PPCDC: variants seen among roughly 807,000 people sequenced by gnomAD.
PPCDC encodes phosphopantothenoylcysteine decarboxylase.
A neutral mutation model predicts 20.7 loss-of-function variants in PPCDC; 20 were observed. That is an observed-to-expected ratio of 0.97 (90% CI 0.68 to 1.41). The LOEUF is 1.41. PPCDC is among the 40% of genes most tolerant of loss of function. The probability of loss-of-function intolerance (pLI) is 0.00; values close to 1 mark genes in which losing one functional copy is unlikely to be tolerated. For synonymous variants in PPCDC, 88 were observed against 100.3 expected (o/e 0.88, Z 0.73); for missense variants, 246 against 263.8 (o/e 0.93, Z 0.47).
At chr15:75,034,147 G>A (rs1280984261) in intron 2 of PPCDC, among the ~76,000 whole-genome samples, 4 of 152,170 alleles carry the variant, frequency 2.6e-5, no homozygotes, top group Middle Eastern at 3.2e-3. Flanking sequence ...CAGAGGAAGA[G>A]GGTCTCGCCC....
intron 2 of PPCDC, 175 bp from the exon 3 acceptor site, chr15:75,043,266 G>T: frequency 1.7e-6 from 1 of 583,792 alleles, no homozygotes; most frequent in Admixed American, 3.2e-5. Flanking sequence ...ACCTTTGGGT[G>T]ACAGCAGAAG....
At position 75,049,187 on chromosome 15, in the gene PPCDC, C is replaced by T; in HGVS notation, c.567C>T (p.Asp189=). ...GAMAEVGTIV[D]KVKEVLFQHS... Reference sequence around the variant, plus strand: ...TGGCTGAAGTGGGGACCATCGTGGACAAAGTGAAAGAAGTCCTCTTCCAGC... The same window carrying T: ...TGGCTGAAGTGGGGACCATCGTGGATAAAGTGAAAGAAGTCCTCTTCCAGC... Residue 189 remains aspartate, a synonymous_variant, in exon 6 of 6, where the codon GAC becomes GAT. Coordinates refer to ENST00000342932, the MANE Select transcript of PPCDC (RefSeq NM_021823.5). 1 of 1,614,190 alleles carries T rather than the reference C, an allele frequency of 6.2e-7. No individual in the cohort carries two copies.
At chr15:75,039,621 G>T (rs2066128774) in intron 2 of PPCDC, among the ~76,000 whole-genome samples, 2 of 152,158 alleles carry the variant, frequency 1.3e-5, no homozygotes, top group Admixed American at 1.3e-4. Context: ...CAGTTACTGT[G>T]TAGGCTTTGG....
chr15:75,042,774 C>G (rs1355123640), intron 2 of PPCDC, among the ~76,000 whole-genome samples: 7 of 152,252 alleles, frequency 4.6e-5, no homozygotes, highest in Admixed American at 2.0e-4. Flanking sequence ...GCAGGCAGCC[C>G]TGGTTTGCGT....
chr15:75,046,398 A>G (rs2066234869), intron 4 of PPCDC, among the ~76,000 whole-genome samples: 1 of 152,220 alleles, frequency 6.6e-6, no homozygotes, highest in Non-Finnish European at 1.5e-5. Flanking sequence ...GTGACAAAGT[A>G]CTGGCCTCTG....
rs2066286201 is a variant in PPCDC, at chr15:75,049,566, T to G, written c.*331T>G. 1 of 264,840 alleles carries G rather than the reference T, an allele frequency of 3.8e-6. No homozygotes were observed. Among genetic ancestry groups the G allele is most frequent in the Non-Finnish European group, 7.3e-6 (1 of 137,684 alleles). The allele number at this position is 264,840 out of a possible 1,614,324, so 16.4% of individuals were successfully genotyped here. ...GGCTCTACATCTCACCCAGAACGGC[T>G]TTTAGAAACACCACAGCTGGAGAGT... On this transcript the variant is annotated 3_prime_UTR_variant, in exon 6 of 6. Transcript: ENST00000342932.
At chr15:75,042,278 A>G (rs554207901) in intron 2 of PPCDC, among the ~76,000 whole-genome samples, 19 of 152,236 alleles carry the variant, frequency 1.2e-4, no homozygotes, top group Non-Finnish European at 8.8e-5. Context: ...TCCCCCAAAG[A>G]TGTGGTTCCC....
At chr15:75,033,809 G>A (rs573654608) in intron 2 of PPCDC, among the ~76,000 whole-genome samples, 2 of 152,140 alleles carry the variant, frequency 1.3e-5, no homozygotes, top group African/African-American at 4.8e-5. Flanking sequence ...GAGCTCTGTC[G>A]GCCTCTGGGC....
chr15:75,030,386 T>A (rs1385700822), intron 2 of PPCDC, among the ~76,000 whole-genome samples: 1 of 152,230 alleles, frequency 6.6e-6, no homozygotes, highest in East Asian at 1.9e-4. Flanking sequence ...TTCATGTCCT[T>A]TGGGCCAGCC....
chr15:75,047,860 C>A (rs960373210), intron 4 of PPCDC, among the ~76,000 whole-genome samples: 1 of 152,308 alleles, frequency 6.6e-6, no homozygotes. Flanking sequence ...AAGTCCGTGG[C>A]ACAAAGGACT....
At chr15:75,027,553 C>T (rs571562682) in intron 1 of PPCDC, among the ~76,000 whole-genome samples, 53 of 152,268 alleles carry the variant, frequency 3.5e-4, no homozygotes, top group African/African-American at 1.2e-3. Flanking sequence ...GCACCCAAAC[C>T]TCCCTGTTGC....
chr15:75,044,820 C>T (rs2066208981), intron 4 of PPCDC: 3 of 323,258 alleles, frequency 9.3e-6, no homozygotes, highest in South Asian at 2.8e-5. Flanking sequence ...TGTCCCTCCT[C>T]GTGGGCTGCC....
intron 2 of PPCDC, among the ~76,000 whole-genome samples, chr15:75,030,599 C>T (rs2066009718): frequency 6.6e-6 from 1 of 152,180 alleles, no homozygotes; most frequent in Non-Finnish European, 1.5e-5. Context: ...TATCCCTGCA[C>T]ACTCCCCTTC....
chr15:75,029,937 G>T (rs767114039), intron 2 of PPCDC, among the ~76,000 whole-genome samples: 1 of 152,190 alleles, frequency 6.6e-6, no homozygotes, highest in Non-Finnish European at 1.5e-5. Context: ...CAACCCTACC[G>T]CTTCCTCCCA....
rs2066184277 is a variant in PPCDC, at chr15:75,043,678, A to G, written c.231+142A>G. ...GGTCAGGGCCCTCTGGGCAGAGGCA[A>G]TGAAGAAAACATCTGTCTAGCTTCT... On this transcript the variant is annotated intron_variant, in intron 3 of 5. Transcript: ENST00000342932. 12 of 716,624 alleles carry G rather than the reference A, an allele frequency of 1.7e-5. 1 individual carries two copies. The highest frequency in any genetic ancestry group is 1.5e-4 in the South Asian group (8 of 52,928). The allele number at this position is 716,624 out of a possible 1,614,324, so 44.4% of individuals were successfully genotyped here.
At chr15:75,035,663 C>T (rs370479621) in intron 2 of PPCDC, among the ~76,000 whole-genome samples, 4 of 152,170 alleles carry the variant, frequency 2.6e-5, no homozygotes, top group African/African-American at 9.7e-5. Context: ...AAACTATTAG[C>T]TGTAAAAACT....
At chr15:75,037,681 C>T (rs1052885245) in intron 2 of PPCDC, among the ~76,000 whole-genome samples, 2 of 152,148 alleles carry the variant, frequency 1.3e-5, no homozygotes, top group African/African-American at 4.8e-5. Flanking sequence ...TGGGAGGTTG[C>T]AGTGAGCCGA....
intron 1 of PPCDC, among the ~76,000 whole-genome samples, chr15:75,026,049 A>C (rs1002271076): frequency 6.6e-6 from 1 of 152,192 alleles, no homozygotes; most frequent in African/African-American, 2.4e-5. Flanking sequence ...GTGGGGAAGC[A>C]GTTGAAGTCA....
At chr15:75,043,265 T>G (rs1595910294) in intron 2 of PPCDC, 176 bp from the exon 3 acceptor site, 1 of 580,368 alleles carries the variant, frequency 1.7e-6, no homozygotes, top group Non-Finnish European at 3.1e-6. Flanking sequence ...GACCTTTGGG[T>G]GACAGCAGAA....
Sources: gnomAD v4.1 joint callset for allele counts (sites outside exome capture counted in the v4.1 genomes callset) on GRCh38, gnomAD v4.1.1 for gene constraint, MANE v1.5 for transcripts, NCBI Gene and HGNC (gene_info 2026-07-23, HGNC 2026-07-21) for gene names.